NPAS1: variants seen among roughly 807,000 people sequenced by gnomAD.
NPAS1 encodes the protein neuronal PAS domain-containing protein 1.
In NPAS1, 29 loss-of-function variants were observed where a neutral mutation model predicts 49.2. That is an observed-to-expected ratio of 0.59 (90% CI 0.44 to 0.80). The LOEUF (loss-of-function observed/expected upper bound fraction) is 0.80. Ranked by LOEUF, NPAS1 falls within the 30% of genes least tolerant of loss-of-function variation. NPAS1 has a pLI of 0.00. For synonymous variants in NPAS1, 408 were observed against 380.4 expected (o/e 1.07, Z -0.84); for missense variants, 825 against 835.5 (o/e 0.99, Z 0.15).
intron 4 of NPAS1, 127 bp downstream of exon 4, chr19:47,032,478 G>A (rs2056913387): frequency 1.7e-6 from 2 of 1,157,452 alleles, no homozygotes; most frequent in African/African-American, 3.0e-5. Flanking sequence ...GAATGCTCAA[G>A]ATCCCTCCAC....
intron 6 of NPAS1, among the ~76,000 whole-genome samples, chr19:47,037,611 C>T (rs866156972): frequency 1.3e-5 from 2 of 152,140 alleles, no homozygotes; most frequent in Middle Eastern, 6.8e-3. Context: ...GATTACCCTG[C>T]CGGCTCTTTT....
chr19:47,029,010 C>T (rs934822514), intron 3 of NPAS1, among the ~76,000 whole-genome samples: 2 of 151,864 alleles, frequency 1.3e-5, no homozygotes, highest in Non-Finnish European at 2.9e-5. Flanking sequence ...CTGTCTCTCT[C>T]TGCATCTCTT....
intron 5 of NPAS1, among the ~76,000 whole-genome samples, chr19:47,034,953 G>A (rs566325411): frequency 1.3e-5 from 2 of 149,776 alleles, no homozygotes; most frequent in African/African-American, 2.5e-5. Context: ...AGGCTGAGGC[G>A]GGCAGATCAC....
At chr19:47,037,338 C>CAA (rs869125845) in intron 6 of NPAS1, among the ~76,000 whole-genome samples, 1,558 of 51,758 alleles carry the variant, frequency 0.03, 190 homozygotes, top group African/African-American at 0.065. Flanking sequence ...ACTCCGTCTC[C>CAA]AAAAAAAAAA....
At chr19:47,031,192 TG>T (rs1163829927) in intron 3 of NPAS1, among the ~76,000 whole-genome samples, 3 of 81,008 alleles carry the variant, frequency 3.7e-5, no homozygotes, top group Non-Finnish European at 1.0e-4. Context: ...TGTGTGTGTG[TG>T]TTTTTTTTTT....
intron 3 of NPAS1, among the ~76,000 whole-genome samples, chr19:47,030,552 T>A (rs1568502581): frequency 6.7e-6 from 1 of 148,922 alleles, no homozygotes; most frequent in Non-Finnish European, 1.5e-5. Context: ...CTGGTCTTGA[T>A]CTCTTGGGTT....
At chr19:47,037,223 T>C (rs941489702) in intron 6 of NPAS1, among the ~76,000 whole-genome samples, 1 of 149,470 alleles carries the variant, frequency 6.7e-6, no homozygotes, top group Non-Finnish European at 1.5e-5. Context: ...GTGGTGCAGG[T>C]GCCTGTGATC....
Position 47,045,619 on chromosome 19 carries a change from GCGGGC to G in NPAS1, c.1742_1746del (p.Ala581AspfsTer29). ...CCTGGGCCTGCCCTACCCGGGGCCC[GCGGGC>G]ACCAGGCTGCCGCGGAAGGGGGACT... On this transcript the variant is annotated frameshift_variant, in exon 12 of 12. Transcript: ENST00000602212. LOFTEE classifies it high-confidence loss of function. 1 of 1,439,966 alleles carries G rather than the reference GCGGGC, an allele frequency of 6.9e-7. No homozygotes were observed. Among genetic ancestry groups the G allele is most frequent in the Non-Finnish European group, 9.0e-7 (1 of 1,107,916 alleles). 89.2% of individuals were successfully genotyped at this position (1,439,966 alleles called of 1,614,324 possible).
chr19:47,020,905 C>T lies in NPAS1; in HGVS notation c.-42-101C>T, dbSNP rs866704485. 6 of 420,414 alleles carry T rather than the reference C, an allele frequency of 1.4e-5. 1 individual carries two copies. Among genetic ancestry groups the T allele is most frequent in the Non-Finnish European group, 2.5e-5 (6 of 239,884 alleles). 26.0% of individuals were successfully genotyped at this position (420,414 alleles called of 1,614,324 possible). A position where few individuals can be genotyped will look rare whatever the true frequency, so the allele number is the denominator to read the frequency against. ...GAGGCATCATCCAGGCCCCCCCCCC[C>T]CCAGCTCCTTGCTGGGACCCTGAGC... On this transcript the variant is annotated intron_variant, in intron 1 of 11. Coordinates refer to ENST00000602212, the MANE Select transcript of NPAS1 (RefSeq NM_002517.4).
Position 47,045,230 on chromosome 19 carries a change from C to T in NPAS1, c.1352C>T (p.Ala451Val). 2.5e-6 allele frequency: 4 copies of T among 1,613,880 alleles called. No homozygotes were observed. Among genetic ancestry groups the T allele is most frequent in the Non-Finnish European group, 3.4e-6 (4 of 1,179,952 alleles). ...PPTEGKQAAPAENEAPQTQGK... is the reference protein window; with the variant it reads ...PPTEGKQAAPVENEAPQTQGK... ...ACGGAAGGGAAGCAGGCTGCCCCAG[C>T]GGAGAACGAGGCCCCCCAGACCCAG... The change falls in exon 12 of 12, where the codon GCG becomes GTG. Residue 451 changes from alanine (A) to valine (V), a missense_variant. Physicochemically the swap from Ala to Val is moderately conservative, Grantham distance 64. Coordinates refer to ENST00000602212, the MANE Select transcript of NPAS1 (RefSeq NM_002517.4).
In NPAS1 at chr19:47,040,516, G is replaced by A. The variant is rs3745615; in HGVS notation, c.1035G>A (p.Gln345=). ...GCTGCTACCAGTTTGTCCACGGACA[G>A]GACGCCACGAGGATCCGCCAGAGCC... ...GRSCYQFVHG[Q]DATRIRQSHV... The change falls in exon 9 of 12, where the codon CAG becomes CAA. Residue 345 remains glutamine, a synonymous_variant. Coordinates refer to ENST00000602212, the MANE Select transcript of NPAS1 (RefSeq NM_002517.4). 1,117,721 of 1,597,752 alleles carry A rather than the reference G, an allele frequency of 0.7. 396,919 individuals carry two copies. The highest frequency in any genetic ancestry group is 0.73 in the Non-Finnish European group (856,889 of 1,172,612).
intron 3 of NPAS1, among the ~76,000 whole-genome samples, chr19:47,027,036 T>A (rs915624138): frequency 5.3e-5 from 8 of 151,922 alleles, no homozygotes; most frequent in African/African-American, 1.7e-4. Context: ...CATTCAACTC[T>A]ATCACTGTAG....
intron 3 of NPAS1, among the ~76,000 whole-genome samples, chr19:47,028,518 C>T (rs1196476992): frequency 6.6e-6 from 1 of 152,110 alleles, no homozygotes; most frequent in Non-Finnish European, 1.5e-5. Context: ...ATACCAGTCC[C>T]GGCTCTGTGC....
At position 47,039,569 on chromosome 19, in the gene NPAS1, C is replaced by CG; in HGVS notation, c.962+9dup. 1 of 1,557,332 alleles carries CG rather than the reference C, an allele frequency of 6.4e-7. No individual in the cohort carries two copies. The highest frequency in any genetic ancestry group is 8.7e-7 in the Non-Finnish European group (1 of 1,148,290). Reference sequence around the variant, plus strand: ...CATCCTTGCTTGTGAGAGCAGGTACCGGGGTTGGGGGCTGTGGCGGGTGGA... The same window carrying CG: ...CATCCTTGCTTGTGAGAGCAGGTACCGGGGGTTGGGGGCTGTGGCGGGTGGA... On this transcript the variant is annotated splice_donor_region_variant and intron_variant, in intron 8 of 11. Coordinates refer to ENST00000602212, the MANE Select transcript of NPAS1 (RefSeq NM_002517.4).
intron 3 of NPAS1, among the ~76,000 whole-genome samples, chr19:47,026,167 G>A (rs1238018802): frequency 3.9e-5 from 6 of 152,030 alleles, no homozygotes; most frequent in Admixed American, 3.9e-4. Flanking sequence ...TTGAACTCCT[G>A]ACCTCAGGTG....
Position 47,021,633 on chromosome 19 carries a change from G to T in NPAS1, c.144G>T (p.Glu48Asp). Residue 48 changes from glutamate to aspartate, a missense_variant, in exon 3 of 12, where the codon GAG (glutamate) becomes GAT (aspartate). Coordinates refer to ENST00000602212, the MANE Select transcript of NPAS1 (RefSeq NM_002517.4). The surrounding 1 kb of genome is among the most constrained non-coding windows in gnomAD (Gnocchi z 5.7). ...CCAGCCTGCAGGCGCAGCGCAAGGA[G>T]AAGTCCCGGAACGCGGCGCGCTCGC... ...SGPCLQAQRKEKSRNAARSRR... is the reference protein window; with the variant it reads ...SGPCLQAQRKDKSRNAARSRR... 6.5e-7 allele frequency: 1 copy of T among 1,539,402 alleles called. No homozygotes were observed. The highest frequency in any genetic ancestry group is 8.7e-7 in the Non-Finnish European group (1 of 1,143,508).
Position 47,021,268 on chromosome 19 carries a change from C to T in NPAS1, c.122+99C>T. Reference sequence around the variant, plus strand: ...GCCAAGGGGCAGTTCACACCCAGCTCCCTGACCCGCCCCTTAGGGCTAGAA... The same window carrying T: ...GCCAAGGGGCAGTTCACACCCAGCTTCCTGACCCGCCCCTTAGGGCTAGAA... On this transcript the variant is annotated intron_variant, in intron 2 of 11. Transcript: ENST00000602212. This position sits in a 1 kb window ranked among gnomAD's most constrained non-coding sequence, Gnocchi z 5.7. 3 of 1,078,136 alleles carry T rather than the reference C, an allele frequency of 2.8e-6. No individual in the cohort carries two copies. The highest frequency in any genetic ancestry group is 3.1e-4 in the Middle Eastern group (1 of 3,272). The allele number at this position is 1,078,136 out of a possible 1,614,324, so 66.8% of individuals were successfully genotyped here.
At position 47,021,508 on chromosome 19, in the gene NPAS1, G is replaced by A; in HGVS notation, c.123-104G>A. ...CAGAGATGTGGAATCCACTCCCAAC[G>A]TCCCGTCCCGTTCCCAAGGCCCCGG... On this transcript the variant is annotated intron_variant, in intron 2 of 11. Coordinates refer to ENST00000602212, the MANE Select transcript of NPAS1 (RefSeq NM_002517.4). This position sits in a 1 kb window ranked among gnomAD's most constrained non-coding sequence, Gnocchi z 5.7. The A allele has an allele frequency of 2.7e-6, 2 of 749,376 alleles. No individual in the cohort carries two copies. Among genetic ancestry groups the A allele is most frequent in the East Asian group, 3.1e-5 (1 of 32,288 alleles). The allele number at this position is 749,376 out of a possible 1,614,324, so 46.4% of individuals were successfully genotyped here.
intron 1 of NPAS1, 187 bp from the exon 2 acceptor site, chr19:47,020,819 C>A: frequency 5.3e-6 from 2 of 375,058 alleles, no homozygotes; most frequent in Non-Finnish European, 9.5e-6. Flanking sequence ...CACGTCCTCA[C>A]CCGGAGCGCC....
Sources: allele counts gnomAD v4.1 joint callset (sites outside exome capture counted in the v4.1 genomes callset), GRCh38; gene constraint gnomAD v4.1.1; non-coding constraint Gnocchi (gnomAD v3.1); transcripts MANE v1.5; gene names NCBI Gene and HGNC (gene_info 2026-07-23, HGNC 2026-07-21).